Variants in MYCBP2 observed in about 807,000 individuals in gnomAD.
MYCBP2 encodes MYC binding protein 2, also known as E3 ubiquitin-protein ligase MYCBP2.
Under a neutral mutation model 525.3 loss-of-function variants are expected in MYCBP2, and 120 were observed. The ratio of observed to expected loss-of-function variants is 0.23; its 90% CI spans 0.20 to 0.27. The LOEUF (loss-of-function observed/expected upper bound fraction) is 0.27, where lower values mean the gene tolerates loss of function less well. Among genes scored for constraint, MYCBP2 ranks in the 10% least tolerant of loss-of-function variants. The pLI is 1.00. For synonymous variants in MYCBP2, 1,894 were observed against 1,955.8 expected, an observed-to-expected ratio of 0.97 and a Z score of 0.83; for missense variants, 4,149 against 5,657.1, an observed-to-expected ratio of 0.73 and a Z score of 8.55.
intron 5 of MYCBP2, among the ~76,000 whole-genome samples, chr13:77,271,933 A>G (rs1422036008): frequency 1.3e-5 from 2 of 152,178 alleles, no homozygotes; most frequent in Non-Finnish European, 2.9e-5. Flanking sequence ...AATCATGAAG[A>G]GCACTGCAAG....
chr13:77,304,342 T>G (rs117974296), intron 1 of MYCBP2, among the ~76,000 whole-genome samples: 7 of 152,274 alleles, frequency 4.6e-5, no homozygotes, highest in Non-Finnish European at 8.8e-5. Context: ...TGGATGAGCC[T>G]GGAGGACATT....
chr13:77,124,639 G>T (rs938440557), intron 54 of MYCBP2, among the ~76,000 whole-genome samples: 2 of 152,130 alleles, frequency 1.3e-5, no homozygotes, highest in Admixed American at 1.3e-4. Context: ...TGGGTATGAA[G>T]AAATAAACAT....
At chr13:77,171,705 T>C (rs1168810583) in intron 37 of MYCBP2, 71 bp from the exon 38 acceptor site, 4 of 1,429,484 alleles carry the variant, frequency 2.8e-6, no homozygotes, top group Non-Finnish European at 2.9e-6. Flanking sequence ...AGAAATCATA[T>C]CTAGATCTGA....
chr13:77,300,537 A>T (rs2078671377), intron 1 of MYCBP2, among the ~76,000 whole-genome samples: 2 of 152,176 alleles, frequency 1.3e-5, no homozygotes, highest in Non-Finnish European at 2.9e-5. Context: ...ATTGGGCCTC[A>T]TTGGTCTGTG....
intron 18 of MYCBP2, among the ~76,000 whole-genome samples, chr13:77,226,973 C>T (rs1161221361): frequency 6.6e-6 from 1 of 152,114 alleles, no homozygotes; most frequent in African/African-American, 2.4e-5. Flanking sequence ...TGGTTACCTA[C>T]ATTATATTTC....
chr13:77,231,198 T>C (rs979707269), intron 18 of MYCBP2, among the ~76,000 whole-genome samples: 2 of 152,132 alleles, frequency 1.3e-5, no homozygotes, highest in Non-Finnish European at 2.9e-5. Flanking sequence ...ACAAAGTAGG[T>C]CCTTACAGAG....
intron 81 of MYCBP2, 56 bp from the exon 82 acceptor site, chr13:77,051,218 A>C (rs1472517626): frequency 3.3e-6 from 5 of 1,498,642 alleles, no homozygotes; most frequent in South Asian, 1.3e-5. Context: ...TTTCAATCAC[A>C]CTTAAGATAG....
chr13:77,286,789 A>AAATATATATAT (rs2076859155), intron 3 of MYCBP2, among the ~76,000 whole-genome samples: 1 of 42,296 alleles, frequency 2.4e-5, no homozygotes, highest in African/African-American at 1.1e-4. Flanking sequence ...AAAAAAAAAA[A>AAATATATATAT]ATATATATAT....
chr13:77,256,157 CAGAT>C (rs1322518847), intron 14 of MYCBP2, among the ~76,000 whole-genome samples: 1 of 151,962 alleles, frequency 6.6e-6, no homozygotes, highest in Non-Finnish European at 1.5e-5. Flanking sequence ...GGTAAAGTGT[CAGAT>C]ATTCATAAGG....
chr13:77,190,118 T>C lies in MYCBP2; in HGVS notation c.4154+134A>G, dbSNP rs529769874. On this transcript the variant is annotated intron_variant, in intron 29 of 82. Transcript: ENST00000544440. Reference sequence around the variant, plus strand: ...TAACTGTTTTTGTTAAATATATTTATAGTTCTACCAGCATATTATAATTTG... The same window carrying C: ...TAACTGTTTTTGTTAAATATATTTACAGTTCTACCAGCATATTATAATTTG... 4.2e-5 allele frequency: 20 copies of C among 474,776 alleles called. No homozygotes were observed. In the East Asian group the frequency reaches 5.3e-4, roughly 12 times the overall value. 29.4% of individuals were successfully genotyped at this position (474,776 alleles called of 1,614,324 possible).
At chr13:77,091,404 A>G (rs2045396884) in intron 59 of MYCBP2, among the ~76,000 whole-genome samples, 1 of 151,912 alleles carries the variant, frequency 6.6e-6, no homozygotes, top group East Asian at 1.9e-4. Flanking sequence ...AAAAAATTAC[A>G]CAAATTTAAA....
chr13:77,294,104 C>CCA (rs1297038387), intron 2 of MYCBP2, among the ~76,000 whole-genome samples: 4 of 41,920 alleles, frequency 9.5e-5, no homozygotes, highest in Non-Finnish European at 1.6e-4. Flanking sequence ...GATATAATGG[C>CCA]TATATATATA....
At chr13:77,059,114 T>C (rs2038778735) in intron 77 of MYCBP2, among the ~76,000 whole-genome samples, 1 of 151,204 alleles carries the variant, frequency 6.6e-6, no homozygotes, top group Non-Finnish European at 1.5e-5. Flanking sequence ...TCCACATTCT[T>C]ATTAATTGAG....
chr13:77,197,554 G>T (rs577665640), intron 26 of MYCBP2, among the ~76,000 whole-genome samples: 1 of 152,246 alleles, frequency 6.6e-6, no homozygotes, highest in South Asian at 2.1e-4. Context: ...CAAATTTGGG[G>T]ATTATGGTAT....
intron 18 of MYCBP2, among the ~76,000 whole-genome samples, chr13:77,230,067 T>A (rs531869311): frequency 4.6e-5 from 7 of 152,224 alleles, no homozygotes; most frequent in African/African-American, 1.7e-4. Flanking sequence ...GTATTTTATA[T>A]GGAATTTTAC....
chr13:77,078,869 G>A lies in MYCBP2; in HGVS notation c.11439C>T (p.Thr3813=). ...CTTCTACTGCTTTGCCAGTTAAGAAGGTCATTGAGGTAACTTTATTCTGAA... is the reference window on the plus strand; with the variant it reads ...CTTCTACTGCTTTGCCAGTTAAGAAAGTCATTGAGGTAACTTTATTCTGAA... ...RDLGNKVTSM[T]FLTGKAVEDL... The change falls in exon 66 of 83, where the codon ACC becomes ACT. Residue 3813 remains threonine (T), a synonymous_variant. Transcript: ENST00000544440. The A allele has an allele frequency of 6.2e-7, 1 of 1,613,342 alleles. No homozygotes were observed. The highest frequency in any genetic ancestry group is 8.5e-7 in the Non-Finnish European group (1 of 1,179,480).
chr13:77,288,628 T>C (rs2154359752), intron 2 of MYCBP2, among the ~76,000 whole-genome samples: 1 of 152,310 alleles, frequency 6.6e-6, no homozygotes, highest in South Asian at 2.1e-4. Flanking sequence ...CTTAGAAATA[T>C]TCTTGTATCG....
At chr13:77,242,800 A>G (rs2069109064) in intron 17 of MYCBP2, among the ~76,000 whole-genome samples, 1 of 152,210 alleles carries the variant, frequency 6.6e-6, no homozygotes, top group Admixed American at 6.5e-5. Flanking sequence ...ACAGTTCTTA[A>G]TATGGCTGAC....
intron 45 of MYCBP2, among the ~76,000 whole-genome samples, chr13:77,157,633 C>G (rs1034786807): frequency 1.6e-4 from 25 of 151,906 alleles, no homozygotes; most frequent in African/African-American, 6.0e-4. Context: ...ATCTGTAATC[C>G]CAGCTACCTG....
Sources: gnomAD v4.1 joint callset for allele counts (sites outside exome capture counted in the v4.1 genomes callset) on GRCh38, gnomAD v4.1.1 for gene constraint, MANE v1.5 for transcripts, NCBI Gene and HGNC (gene_info 2026-07-23, HGNC 2026-07-21) for gene names.